The following LRP1B variants were observed in gnomAD, a reference collection of about 807,000 sequenced individuals.
The protein encoded by LRP1B is LDL receptor related protein 1B.
A neutral mutation model predicts 556.6 loss-of-function variants in LRP1B; 217 were observed. That is an observed-to-expected ratio of 0.39 (90% CI 0.35 to 0.44). The LOEUF (loss-of-function observed/expected upper bound fraction) is 0.44, where lower values mean the gene tolerates loss of function less well. Ranked by LOEUF, LRP1B falls within the 20% of genes least tolerant of loss-of-function variation. The probability of loss-of-function intolerance (pLI) is 1.00; values close to 1 mark genes in which losing one functional copy is unlikely to be tolerated. For synonymous variants in LRP1B, 2,047 were observed against 1,865.8 expected, an observed-to-expected ratio of 1.10 and a Z score of -2.50; for missense variants, 5,053 against 5,620.8, an observed-to-expected ratio of 0.90 and a Z score of 3.23.
In LRP1B at chr2:140,944,971, A is replaced by G. The variant is rs577519561; in HGVS notation, c.3136+5264T>C. On this transcript the variant is annotated intron_variant, in intron 20 of 90. Coordinates refer to ENST00000389484, the MANE Select transcript of LRP1B (RefSeq NM_018557.3). ...AAATAGGAAATGAAACAGTCAAATTATCTGTCTTAACTGATGATATGATTT... is the reference window on the plus strand; with the variant it reads ...AAATAGGAAATGAAACAGTCAAATTGTCTGTCTTAACTGATGATATGATTT... Among the ~76,000 whole-genome samples, 177 of 152,276 alleles carry G rather than the reference A, an allele frequency of 1.2e-3. 1 individual carries two copies. Among genetic ancestry groups the G allele is most frequent in the African/African-American group, 4.1e-3 (170 of 41,582 alleles).
intron 61 of LRP1B, 139 bp downstream of exon 61, chr2:140,457,324 T>C: frequency 2.9e-6 from 2 of 678,680 alleles, no homozygotes; most frequent in Admixed American, 2.8e-5. Flanking sequence ...GACTGAATTC[T>C]TCCATAAAGT....
intron 7 of LRP1B, among the ~76,000 whole-genome samples, chr2:141,147,480 T>A (rs1429797164): frequency 6.6e-6 from 1 of 152,210 alleles, no homozygotes; most frequent in Non-Finnish European, 1.5e-5. Flanking sequence ...GTATTAAAAT[T>A]ATGCAAAAGT....
intron 1 of LRP1B, among the ~76,000 whole-genome samples, chr2:142,048,188 G>GT (rs1704324880): frequency 2.0e-5 from 3 of 151,868 alleles, no homozygotes; most frequent in South Asian, 4.2e-4. Context: ...TTGTCTTTTA[G>GT]TTTTTTTCTG....
intron 7 of LRP1B, among the ~76,000 whole-genome samples, chr2:141,080,626 T>C (rs2104882321): frequency 6.6e-6 from 1 of 152,322 alleles, no homozygotes; most frequent in South Asian, 2.1e-4. Flanking sequence ...TTAGGCACTG[T>C]ACATGTCAGG....
At chr2:141,648,956 T>C (rs1689683731) in intron 2 of LRP1B, among the ~76,000 whole-genome samples, 1 of 152,246 alleles carries the variant, frequency 6.6e-6, no homozygotes, top group Non-Finnish European at 1.5e-5. Context: ...TTCATAATTT[T>C]AATAGTTATT....
chr2:141,884,236 C>A (rs1447304781), intron 1 of LRP1B, among the ~76,000 whole-genome samples: 1 of 151,932 alleles, frequency 6.6e-6, no homozygotes, highest in East Asian at 1.9e-4. Context: ...AATAGCCAGG[C>A]ATGGTAGCAT....
Position 140,883,864 on chromosome 2 carries a change from T to C in LRP1B, c.4122A>G (p.Ala1374=). Residue 1374 remains alanine, a synonymous_variant, in exon 25 of 91, where the codon GCA becomes GCG. Transcript: ENST00000389484. ...TGGCCCTGGGGTGTTCCATGGCTCC[T>C]GCTATTAGTGTAGTTCTTAGGGAGC... ...LDGSLRTTLI[A]GAMEHPRAIA... is the part of the protein sequence containing the mutation. The C allele has an allele frequency of 6.2e-7, 1 of 1,613,988 alleles. No individual in the cohort carries two copies. The highest frequency in any genetic ancestry group is 8.5e-7 in the Non-Finnish European group (1 of 1,179,934).
intron 2 of LRP1B, among the ~76,000 whole-genome samples, chr2:141,639,304 G>GTC (rs1198667468): frequency 1.7e-5 from 1 of 58,480 alleles, no homozygotes; most frequent in Non-Finnish European, 3.0e-5. Flanking sequence ...CATCATGTGT[G>GTC]TATATATATA....
At chr2:141,545,357 A>C (rs1230624111) in intron 2 of LRP1B, among the ~76,000 whole-genome samples, 2 of 152,186 alleles carry the variant, frequency 1.3e-5, no homozygotes, top group East Asian at 3.9e-4. Context: ...TTCCTTACAC[A>C]GTTTGGCCCA....
chr2:140,797,657 A>G (rs1690364136), intron 32 of LRP1B, among the ~76,000 whole-genome samples: 1 of 152,100 alleles, frequency 6.6e-6, no homozygotes, highest in Non-Finnish European at 1.5e-5. Flanking sequence ...CATTGTAAAT[A>G]TATGCATAAA....
intron 2 of LRP1B, among the ~76,000 whole-genome samples, chr2:141,643,925 G>A (rs897490807): frequency 2.0e-5 from 3 of 151,764 alleles, no homozygotes; most frequent in East Asian, 3.9e-4. Context: ...ATTAGAATAG[G>A]TTTAGAACAT....
rs2105327841 is a variant in LRP1B, at chr2:141,247,358, A to T, written c.464-4T>A. The T allele has an allele frequency of 8.1e-6, 13 of 1,613,186 alleles. No homozygotes were observed. The highest frequency in any genetic ancestry group is 1.1e-5 in the Non-Finnish European group (13 of 1,179,452). On this transcript the variant is annotated splice_polypyrimidine_tract_variant and splice_region_variant and intron_variant, in intron 4 of 90. Transcript: ENST00000389484. ...TAAACAGCACATTCATCTTGATCTA[A>T]AAAGGAAAATTGGCATCATTTCTAA...
chr2:141,808,216 T>G (rs1173843539), intron 2 of LRP1B, among the ~76,000 whole-genome samples: 2 of 152,042 alleles, frequency 1.3e-5, no homozygotes, highest in Non-Finnish European at 2.9e-5. Context: ...GTGTTTCCCC[T>G]CCACCCTGGC....
At chr2:140,601,685 A>C in intron 41 of LRP1B, 46 bp from the exon 42 acceptor site, 1 of 1,394,992 alleles carries the variant, frequency 7.2e-7, no homozygotes, top group African/African-American at 1.4e-5. Context: ...TATTTACAAA[A>C]AAATGACTTC....
intron 3 of LRP1B, among the ~76,000 whole-genome samples, chr2:141,427,701 G>A (rs552661849): frequency 6.6e-6 from 1 of 151,914 alleles, no homozygotes; most frequent in East Asian, 1.9e-4. Context: ...GTGGACTTTG[G>A]TTGGTTGGTT....
chr2:142,008,261 T>C (rs1702856360), intron 1 of LRP1B, among the ~76,000 whole-genome samples: 1 of 152,162 alleles, frequency 6.6e-6, no homozygotes. Flanking sequence ...CTCCAACTTC[T>C]AGGGAAATGT....
intron 1 of LRP1B, among the ~76,000 whole-genome samples, chr2:141,900,875 C>T (rs1167173424): frequency 6.6e-6 from 1 of 151,894 alleles, no homozygotes; most frequent in East Asian, 1.9e-4. Context: ...CCATCTGTTT[C>T]TTGCTGGGAA....
At chr2:140,353,134 A>T (rs1483526132) in intron 75 of LRP1B, 62 bp from the exon 76 acceptor site, 1 of 1,564,194 alleles carries the variant, frequency 6.4e-7, no homozygotes, top group Non-Finnish European at 8.6e-7. Context: ...TATTCTTACC[A>T]CGTTTCAAAA....
intron 9 of LRP1B, among the ~76,000 whole-genome samples, chr2:141,058,370 G>A (rs1461681398): frequency 6.6e-6 from 1 of 151,714 alleles, no homozygotes; most frequent in Admixed American, 6.6e-5. Flanking sequence ...TTGATGAACA[G>A]CATCACTAAT....
Sources: gnomAD v4.1 joint callset for allele counts (sites outside exome capture counted in the v4.1 genomes callset) on GRCh38, gnomAD v4.1.1 for gene constraint, MANE v1.5 for transcripts, NCBI Gene and HGNC (gene_info 2026-07-23, HGNC 2026-07-21) for gene names.